The following NDUFAF7 variants were observed in gnomAD, a reference collection of about 807,000 sequenced individuals.
The protein encoded by NDUFAF7 is NADH:ubiquinone oxidoreductase complex assembly factor 7.
NDUFAF7 carries 48 observed loss-of-function variants against 47.2 expected under a neutral mutation model. That is an observed-to-expected ratio of 1.02 (90% CI 0.81 to 1.29). The LOEUF (loss-of-function observed/expected upper bound fraction) is 1.29. Ranked by LOEUF, NDUFAF7 falls within the 50% of genes most tolerant of loss-of-function variation. NDUFAF7 has a pLI of 0.00. For synonymous variants in NDUFAF7, 217 were observed against 190.0 expected (o/e 1.14, Z -1.17); for missense variants, 635 against 537.6 (o/e 1.18, Z -1.79).
At chr2:37,249,201 G>C (rs2148451745), downstream of NDUFAF7, 2 of 152,258 alleles carry the variant, frequency 1.3e-5, no homozygotes, top group Non-Finnish European at 2.9e-5. Context: ...ATATGTACTT[G>C]CATACAAAGT....
the NDUFAF7 span, among the ~76,000 whole-genome samples, chr2:37,266,856 A>G: frequency 6.6e-6 from 1 of 152,214 alleles, no homozygotes; most frequent in Non-Finnish European, 1.5e-5. Context: ...ACATTTGCAT[A>G]TTATAAATTA....
intron 3 of NDUFAF7, among the ~76,000 whole-genome samples, chr2:37,236,546 G>A (rs1665781055): frequency 6.6e-6 from 1 of 152,008 alleles, no homozygotes; most frequent in African/African-American, 2.4e-5. Flanking sequence ...GGAGGCCGAG[G>A]CAGGCGGATC....
chr2:37,235,795 C>T (rs555599753), intron 2 of NDUFAF7, among the ~76,000 whole-genome samples: 2 of 152,130 alleles, frequency 1.3e-5, no homozygotes, highest in Non-Finnish European at 2.9e-5. Flanking sequence ...GCTGGGACTA[C>T]GGGCACCCTC....
chr2:37,240,078 A>G (rs995726216), intron 4 of NDUFAF7, among the ~76,000 whole-genome samples: 2 of 152,192 alleles, frequency 1.3e-5, no homozygotes, highest in African/African-American at 4.8e-5. Flanking sequence ...AGTTTTTAGT[A>G]TTTTGGAACT....
At position 37,243,558 on chromosome 2, in the gene NDUFAF7, G is replaced by C. The variant is rs558797245; in HGVS notation, c.682-305G>C. On this transcript the variant is annotated intron_variant, in intron 6 of 9. Coordinates refer to ENST00000002125, the MANE Select transcript of NDUFAF7 (RefSeq NM_144736.5). ...TTGTGAGGAGAAGAGCAGCTCTCAT[G>C]ATCCTGTAGTAATTTGTTAGTAAAG... Among the ~76,000 whole-genome samples the C allele has an allele frequency of 2.6e-5, 4 of 152,324 alleles. No individual in the cohort carries two copies. In the East Asian group the frequency reaches 7.7e-4, roughly 29 times the overall value.
At chr2:37,237,014 A>C (rs910370738) in intron 3 of NDUFAF7, among the ~76,000 whole-genome samples, 8 of 152,162 alleles carry the variant, frequency 5.3e-5, no homozygotes, top group African/African-American at 1.9e-4. Flanking sequence ...CTTATTGCCC[A>C]GGCTGGAGTG....
At chr2:37,256,983 A>C, downstream of NDUFAF7, 1 of 1,571,124 alleles carries the variant, frequency 6.4e-7, no homozygotes. Context: ...ATATGTAACT[A>C]CCTGTCCCTA....
the NDUFAF7 span, among the ~76,000 whole-genome samples, chr2:37,265,479 T>G: frequency 6.6e-5 from 10 of 151,968 alleles, no homozygotes; most frequent in African/African-American, 2.4e-4. Flanking sequence ...CTAAAGTTCA[T>G]CTTTATACTA....
chr2:37,268,992 A>G, the NDUFAF7 span: 1 of 153,470 alleles, frequency 6.5e-6, no homozygotes, highest in East Asian at 1.9e-4. Context: ...ACAGCCAACT[A>G]GGAAACTACT....
chr2:37,252,955 A>C, downstream of NDUFAF7: 1 of 373,674 alleles, frequency 2.7e-6, no homozygotes. Context: ...TAGGCTAAAA[A>C]AGTTTATAAA....
chr2:37,245,990 AC>A, intron 7 of NDUFAF7, 61 bp from the exon 8 acceptor site: 1 of 1,577,958 alleles, frequency 6.3e-7, no homozygotes, highest in Non-Finnish European at 8.7e-7. Flanking sequence ...AACCTGAAAA[AC>A]CGTAAGGAAG....
downstream of NDUFAF7, chr2:37,253,310 C>T (rs1405945703): frequency 8.7e-6 from 14 of 1,612,522 alleles, no homozygotes; most frequent in South Asian, 6.6e-5. Flanking sequence ...TTCTCCAATG[C>T]GAGTTTCAAA....
chr2:37,260,580 G>A, the NDUFAF7 span, among the ~76,000 whole-genome samples: 50,812 of 151,982 alleles, frequency 0.33, 9,417 homozygotes, highest in East Asian at 0.43. Flanking sequence ...GAGAGTAGCC[G>A]CACTGAGGGG....
chr2:37,267,295 TATTGG>T, the NDUFAF7 span: 1 of 531,840 alleles, frequency 1.9e-6, no homozygotes, highest in Non-Finnish European at 3.2e-6. Flanking sequence ...TAAAGCAAGA[TATTGG>T]CAGTCCCTAT....
At chr2:37,251,655 T>A (rs1049452995), downstream of NDUFAF7, 1 of 152,006 alleles carries the variant, frequency 6.6e-6, no homozygotes, top group African/African-American at 2.4e-5. Flanking sequence ...TGGGCAACGA[T>A]AGTTAACACT....
At chr2:37,236,760 G>A (rs1275099222) in intron 3 of NDUFAF7, among the ~76,000 whole-genome samples, 9 of 146,894 alleles carry the variant, frequency 6.1e-5, no homozygotes, top group Non-Finnish European at 1.2e-4. Context: ...CAGCCTCGGC[G>A]ACTGAGCAAA....
Position 37,241,582 on chromosome 2 carries a change from T to A in NDUFAF7, c.413T>A (p.Phe138Tyr). 1 of 1,612,968 alleles carries A rather than the reference T, an allele frequency of 6.2e-7. No homozygotes were observed. The highest frequency in any genetic ancestry group is 1.3e-5 in the African/African-American group (1 of 75,026). Residue 138 changes from phenylalanine (F) to tyrosine (Y), a missense_variant, in exon 5 of 10, where the codon TTC becomes TAC. Transcript: ENST00000002125. ...GTLVGDILRV[F>Y]TQLGSVLKNC... The stretch of plus-strand genomic sequence containing the variant: ...TTTTCTTCTTTTGGTATTTAGGTGT[T>A]CACTCAACTTGGATCTGTGCTGAAA...
At chr2:37,245,258 G>C (rs1000989952) in intron 7 of NDUFAF7, among the ~76,000 whole-genome samples, 1 of 152,176 alleles carries the variant, frequency 6.6e-6, no homozygotes, top group Admixed American at 6.5e-5. Context: ...ATCAGGGCAG[G>C]TCATTACTGC....
At chr2:37,241,135 C>T (rs1208415537) in intron 4 of NDUFAF7, among the ~76,000 whole-genome samples, 3 of 151,986 alleles carry the variant, frequency 2.0e-5, no homozygotes, top group Admixed American at 6.6e-5. Flanking sequence ...GGCAGACCCC[C>T]GAGTTAAGCA....
Sources: allele counts gnomAD v4.1 joint callset (sites outside exome capture counted in the v4.1 genomes callset), GRCh38; gene constraint gnomAD v4.1.1; transcripts MANE v1.5; gene names NCBI Gene and HGNC (gene_info 2026-07-23, HGNC 2026-07-21).